Variants in WFDC1 observed in about 807,000 individuals in gnomAD.
The protein encoded by WFDC1 is WAP four-disulfide core domain 1.
A neutral mutation model predicts 32.9 loss-of-function variants in WFDC1; 39 were observed. The observed-to-expected ratio is 1.19, with a 90% CI of 0.92 to 1.55. The LOEUF (loss-of-function observed/expected upper bound fraction) is 1.55, where lower values mean the gene tolerates loss of function less well. Ranked by LOEUF, WFDC1 falls within the 40% of genes most tolerant of loss-of-function variation. The probability of loss-of-function intolerance (pLI) is 0.00; values close to 1 mark genes in which losing one functional copy is unlikely to be tolerated. For synonymous variants in WFDC1, 184 were observed against 137.4 expected (o/e 1.34, Z -2.37); for missense variants, 386 against 309.5 (o/e 1.25, Z -1.85).
At position 84,319,489 on chromosome 16, in the gene WFDC1, T is replaced by C. The variant is rs1273055604; in HGVS notation, c.480T>C (p.Tyr160=). The C allele has an allele frequency of 2.5e-6, 4 of 1,612,778 alleles. No individual in the cohort carries two copies. The highest frequency in any genetic ancestry group is 3.4e-6 in the Non-Finnish European group (4 of 1,179,958). ...GAEPLLCPSG[Y]ECHILSPGDV... is the part of the protein sequence containing the mutation. ...AACCCCTGCTCTGTCCCTCGGGCTATGAGTGCCACATCCTGAGCCCAGGTG... is the reference window on the plus strand; with the variant it reads ...AACCCCTGCTCTGTCCCTCGGGCTACGAGTGCCACATCCTGAGCCCAGGTG... Residue 160 remains tyrosine (Y), a synonymous_variant, in exon 4 of 7, where the codon TAT becomes TAC. Transcript: ENST00000219454.
chr16:84,319,213 C>T (rs1908147742), intron 3 of WFDC1: 1 of 576,844 alleles, frequency 1.7e-6, no homozygotes, highest in East Asian at 2.9e-5. Flanking sequence ...GCTTGGACTG[C>T]CTGTGTTTGT....
intron 2 of WFDC1, among the ~76,000 whole-genome samples, chr16:84,315,327 A>G (rs2151376472): frequency 1.3e-5 from 2 of 152,254 alleles, no homozygotes; most frequent in African/African-American, 4.8e-5. Context: ...CTGTAGCGTA[A>G]TCTGGAAGAC....
Position 84,306,362 on chromosome 16 carries a change from G to C in WFDC1, c.145-6599G>C, listed in dbSNP as rs1907258262. Reference sequence around the variant, plus strand: ...ATGGCTCCTAAGTTCTTGCCCCAAAGGATGTGGAGGTTCAGCTGTGAAAAA... The same window carrying C: ...ATGGCTCCTAAGTTCTTGCCCCAAACGATGTGGAGGTTCAGCTGTGAAAAA... On this transcript the variant is annotated intron_variant, in intron 1 of 6. Transcript: ENST00000219454. 2.6e-5 allele frequency among the ~76,000 whole-genome samples: 4 copies of C among 152,156 alleles called. No homozygotes were observed. In the South Asian group the frequency reaches 8.3e-4, roughly 31 times the overall value.
chr16:84,303,823 C>T (rs1353003151), intron 1 of WFDC1, among the ~76,000 whole-genome samples: 3 of 152,200 alleles, frequency 2.0e-5, no homozygotes, highest in Non-Finnish European at 2.9e-5. Context: ...GCCGTCAGTC[C>T]TCCTTCCCTC....
chr16:84,313,256 T>A, intron 2 of WFDC1, 103 bp downstream of exon 2: 1 of 1,172,472 alleles, frequency 8.5e-7, no homozygotes, highest in African/African-American at 1.6e-5. Flanking sequence ...CTGGGCCACC[T>A]GGGCGGGTCT....
chr16:84,329,128 C>T (rs924537814), intron 6 of WFDC1, 194 bp from the exon 7 acceptor site: 8 of 152,066 alleles, frequency 5.3e-5, no homozygotes, highest in African/African-American at 7.2e-5. Context: ...GCCGTGAAGA[C>T]GTCACAGTGA....
At position 84,295,026 on chromosome 16, in the gene WFDC1, C is replaced by G; in HGVS notation, c.55C>G (p.Leu19Val). The change falls in exon 1 of 7, where the codon CTG (leucine) becomes GTG (valine). Residue 19 changes from leucine to valine, a missense_variant. Leu to Val is a conservative substitution (Grantham distance 32). Coordinates refer to ENST00000219454, the MANE Select transcript of WFDC1 (RefSeq NM_021197.4). The stretch of plus-strand genomic sequence containing the variant: ...CTGCAGGAGGCAGATCATCCGGGCT[C>G]TGTGCCTCTTGCTACTTCTCCTCCA... ...GSCRRQIIRA[L>V]CLLLLLLHAG... The G allele has an allele frequency of 1.9e-6, 3 of 1,614,232 alleles. No homozygotes were observed. The highest frequency in any genetic ancestry group is 1.3e-5 in the African/African-American group (1 of 75,070).
At chr16:84,299,662 C>G (rs1031787619) in intron 1 of WFDC1, among the ~76,000 whole-genome samples, 22 of 152,364 alleles carry the variant, frequency 1.4e-4, no homozygotes, top group African/African-American at 5.0e-4. Flanking sequence ...ATGGCAGCCA[C>G]CATGCGGGCC....
chr16:84,314,288 G>A (rs181740), intron 2 of WFDC1, among the ~76,000 whole-genome samples: 1 of 152,014 alleles, frequency 6.6e-6, no homozygotes, highest in African/African-American at 2.4e-5. Context: ...ACAGTAAGTG[G>A]GGAGTAGGGT....
chr16:84,325,945 TCCATCCAC>T (rs1244659914), intron 5 of WFDC1: 4 of 151,944 alleles, frequency 2.6e-5, no homozygotes, highest in South Asian at 4.2e-4. Flanking sequence ...CATACATCCA[TCCATCCAC>T]CCATCCACCC....
At chr16:84,295,530 CACT>C in intron 1 of WFDC1, 1 of 274,250 alleles carries the variant, frequency 3.6e-6, no homozygotes, top group Non-Finnish European at 6.8e-6. Context: ...AGAATGAATA[CACT>C]CTGTTAAACA....
rs1373123256 is a variant in WFDC1, at chr16:84,329,015, C to T, written c.*16-307C>T. 6 of 151,904 alleles carry T rather than the reference C, an allele frequency of 3.9e-5. No individual in the cohort carries two copies. The South Asian group carries it at 8.3e-4, about 21-fold the overall frequency. 9.4% of individuals were successfully genotyped at this position (151,904 alleles called of 1,614,324 possible). ...GTCTGGGTTTAAATTCTTGTTCCAG[C>T]ACTGTGGATTTAGTAAATAATTTCG... On this transcript the variant is annotated intron_variant, in intron 6 of 6. Coordinates refer to ENST00000219454, the MANE Select transcript of WFDC1 (RefSeq NM_021197.4).
chr16:84,308,744 C>T (rs958593744), intron 1 of WFDC1, among the ~76,000 whole-genome samples: 1 of 152,050 alleles, frequency 6.6e-6, no homozygotes, highest in African/African-American at 2.4e-5. Context: ...GGTGTAGACG[C>T]CATCCTGAGT....
rs747021675 is a variant in WFDC1, at chr16:84,318,279, C to G, written c.345C>G (p.Asp115Glu). The stretch of plus-strand genomic sequence containing the variant: ...GACCCCGTATTGTGTTAGTCTTAGA[C>G]TGGCTGGTGCAGCCGAAACCTCGAT... The part of the protein sequence containing the change: ...LEAVPPPPVL[D>E]WLVQPKPRWL... Residue 115 changes from aspartate to glutamate, a missense_variant, in exon 3 of 7, where the codon GAC (aspartate) becomes GAG (glutamate). Transcript: ENST00000219454. 3 of 1,614,146 alleles carry G rather than the reference C, an allele frequency of 1.9e-6. No individual in the cohort carries two copies. In the East Asian group the frequency reaches 6.7e-5, roughly 36 times the overall value.
At chr16:84,312,414 T>G (rs946199183) in intron 1 of WFDC1, among the ~76,000 whole-genome samples, 11 of 152,098 alleles carry the variant, frequency 7.2e-5, no homozygotes, top group Non-Finnish European at 7.4e-5. Context: ...CACTGTGGTG[T>G]TCTCTTTTGA....
intron 1 of WFDC1, among the ~76,000 whole-genome samples, chr16:84,307,253 C>T (rs554111171): frequency 2.6e-5 from 4 of 152,196 alleles, no homozygotes; most frequent in African/African-American, 9.7e-5. Context: ...GTAAGCTGTT[C>T]ATGTCTCTGA....
At chr16:84,298,836 C>G (rs1351106743) in intron 1 of WFDC1, among the ~76,000 whole-genome samples, 2 of 152,308 alleles carry the variant, frequency 1.3e-5, no homozygotes, top group Middle Eastern at 3.4e-3. Flanking sequence ...CCGTGGGAGG[C>G]CCTTAGGAGA....
intron 1 of WFDC1, among the ~76,000 whole-genome samples, chr16:84,305,197 A>C (rs969833808): frequency 1.3e-5 from 2 of 152,220 alleles, no homozygotes; most frequent in Non-Finnish European, 2.9e-5. Flanking sequence ...GAGCTTACTA[A>C]ATGCTGCCTC....
In WFDC1 at chr16:84,329,426, C is replaced by T. The variant is rs1908794739; in HGVS notation, c.*120C>T. ...CATTCAGCTCAGCAGAGCAAGACCC[C>T]AGAGATGCTTAGAGACAGGACACCT... On this transcript the variant is annotated 3_prime_UTR_variant, in exon 7 of 7. Transcript: ENST00000219454. The T allele has an allele frequency of 2.6e-5, 4 of 152,164 alleles. No homozygotes were observed. The highest frequency in any genetic ancestry group is 9.7e-5 in the African/African-American group (4 of 41,422). The allele number at this position is 152,164 out of a possible 1,614,324, so 9.4% of individuals were successfully genotyped here. A position where few individuals can be genotyped will look rare whatever the true frequency, so the allele number is the denominator to read the frequency against.
Sources: allele counts gnomAD v4.1 joint callset (sites outside exome capture counted in the v4.1 genomes callset), GRCh38; gene constraint gnomAD v4.1.1; transcripts MANE v1.5; gene names NCBI Gene and HGNC (gene_info 2026-07-23, HGNC 2026-07-21).